Variants in SLC7A14 observed in about 807,000 individuals in gnomAD.
SLC7A14 encodes gamma-aminobutyric acid transporter SLC7A14.
A neutral mutation model predicts 60.2 loss-of-function variants in SLC7A14; 37 were observed. The ratio of observed to expected loss-of-function variants is 0.61; its 90% confidence interval spans 0.47 to 0.81. The LOEUF (loss-of-function observed/expected upper bound fraction) is 0.81, where lower values mean the gene tolerates loss of function less well. SLC7A14 is among the 30% of genes least tolerant of loss of function. The pLI is 0.00. For synonymous variants in SLC7A14, 399 were observed against 395.8 expected, an observed-to-expected ratio of 1.01 and a Z score of -0.10; for missense variants, 886 against 982.7, an observed-to-expected ratio of 0.90 and a Z score of 1.32.
In SLC7A14 at chr3:170,472,215, A is replaced by T. The variant is rs189380869; in HGVS notation, c.1994-4838T>A. ...GAAACCCCGTCTACTAAAAAAAAAA[A>T]AATAATTAGCTGGGCACGGTGGCGG... On this transcript the variant is annotated intron_variant, in intron 7 of 7. Transcript: ENST00000231706. 3.8e-3 allele frequency among the ~76,000 whole-genome samples: 582 copies of T among 151,864 alleles called. 3 individuals are homozygous for T. The highest frequency in any genetic ancestry group is 0.013 in the African/African-American group (552 of 41,408).
intron 7 of SLC7A14, among the ~76,000 whole-genome samples, chr3:170,467,672 G>A (rs748558182): frequency 1.2e-4 from 18 of 152,152 alleles, no homozygotes; most frequent in Non-Finnish European, 2.4e-4. Context: ...CTGGTGTTGA[G>A]AACTGGCTGC....
intron 4 of SLC7A14, 103 bp from the exon 5 acceptor site, chr3:170,486,471 T>G: frequency 7.0e-7 from 1 of 1,428,240 alleles, no homozygotes; most frequent in Non-Finnish European, 9.7e-7. Flanking sequence ...CATGACTGAG[T>G]GGCTGAGGGA....
At chr3:170,554,994 C>G (rs1714448900) in intron 1 of SLC7A14, among the ~76,000 whole-genome samples, 1 of 151,906 alleles carries the variant, frequency 6.6e-6, no homozygotes, top group African/African-American at 2.4e-5. Flanking sequence ...TGGTGAAACC[C>G]CATCTCTACT....
chr3:170,520,538 C>T (rs1713312519), intron 2 of SLC7A14, among the ~76,000 whole-genome samples: 1 of 152,156 alleles, frequency 6.6e-6, no homozygotes, highest in Non-Finnish European at 1.5e-5. Context: ...GAGCCCAATA[C>T]ATTTTTACTG....
chr3:170,560,101 GA>G (rs1714604393), intron 1 of SLC7A14, among the ~76,000 whole-genome samples: 1 of 152,218 alleles, frequency 6.6e-6, no homozygotes, highest in Non-Finnish European at 1.5e-5. Context: ...GGGTTGGAGA[GA>G]AACAGCACAG....
intron 6 of SLC7A14, among the ~76,000 whole-genome samples, chr3:170,481,821 G>A (rs756815550): frequency 1.3e-5 from 2 of 152,282 alleles, no homozygotes; most frequent in Middle Eastern, 3.4e-3. Flanking sequence ...CAGGCTCTGC[G>A]TGAAAAAGTG....
intron 2 of SLC7A14, among the ~76,000 whole-genome samples, chr3:170,517,118 C>T (rs1257400039): frequency 6.6e-6 from 1 of 152,182 alleles, no homozygotes; most frequent in Non-Finnish European, 1.5e-5. Flanking sequence ...AATGTATGCA[C>T]AGTGCCTGCT....
chr3:170,497,063 A>G (rs1404302190), intron 4 of SLC7A14, among the ~76,000 whole-genome samples: 1 of 150,054 alleles, frequency 6.7e-6, no homozygotes, highest in Non-Finnish European at 1.5e-5. Context: ...CAGCTACAAA[A>G]CAATTTAATT....
Position 170,585,167 on chromosome 3 carries a change from G to A in SLC7A14, c.-153+744C>T, listed in dbSNP as rs1470823883. Among the ~76,000 whole-genome samples the A allele has an allele frequency of 6.6e-6, 1 of 152,190 alleles. No individual in the cohort carries two copies. Among genetic ancestry groups the A allele is most frequent in the Non-Finnish European group, 1.5e-5 (1 of 68,012 alleles). The stretch of plus-strand genomic sequence containing the variant: ...GGGGAGCTGATGTGCTTTGGAATGG[G>A]AGAAGAGAGGAGACTGAGGGTTGAA... On this transcript the variant is annotated intron_variant, in intron 1 of 7. Transcript: ENST00000231706. The surrounding 1 kb of genome is among the most constrained non-coding windows in gnomAD (Gnocchi z 5.1).
intron 7 of SLC7A14, among the ~76,000 whole-genome samples, chr3:170,477,834 T>C (rs1160298128): frequency 6.6e-6 from 1 of 152,250 alleles, no homozygotes; most frequent in South Asian, 2.1e-4. Flanking sequence ...GGCACCACAC[T>C]GTGGGTAGCA....
intron 2 of SLC7A14, among the ~76,000 whole-genome samples, chr3:170,516,127 C>T (rs1713150867): frequency 1.3e-5 from 2 of 152,284 alleles, no homozygotes; most frequent in Admixed American, 6.5e-5. Context: ...ATTTAAGAAA[C>T]TTGCAAATTT....
intron 7 of SLC7A14, among the ~76,000 whole-genome samples, chr3:170,468,673 A>G (rs1739793681): frequency 1.3e-5 from 2 of 152,244 alleles, no homozygotes; most frequent in South Asian, 2.1e-4. Flanking sequence ...CTTGGAGTCC[A>G]TAGAACATGA....
chr3:170,467,960 A>C (rs1263581339), intron 7 of SLC7A14, among the ~76,000 whole-genome samples: 1 of 152,168 alleles, frequency 6.6e-6, no homozygotes, highest in African/African-American at 2.4e-5. Flanking sequence ...TAAAGGCGTG[A>C]TATATCATGG....
chr3:170,556,202 C>T lies in SLC7A14; in HGVS notation c.-152-29114G>A, dbSNP rs371492683. Among the ~76,000 whole-genome samples, 15 of 152,260 alleles carry T rather than the reference C, an allele frequency of 9.9e-5. No individual in the cohort carries two copies. The South Asian group carries it at 2.9e-3, about 29-fold the overall frequency. Reference sequence around the variant, plus strand: ...TGCTATGGTTTTTGTACTTTCAGACCTTAGCTAACATGTATCTAAGATATG... The same window carrying T: ...TGCTATGGTTTTTGTACTTTCAGACTTTAGCTAACATGTATCTAAGATATG... On this transcript the variant is annotated intron_variant, in intron 1 of 7. Coordinates refer to ENST00000231706, the MANE Select transcript of SLC7A14 (RefSeq NM_020949.3).
intron 1 of SLC7A14, among the ~76,000 whole-genome samples, chr3:170,572,777 G>A (rs565419121): frequency 6.6e-6 from 1 of 152,274 alleles, no homozygotes; most frequent in Admixed American, 6.5e-5. Context: ...TACTCATTCA[G>A]ATATTTTCTT....
At chr3:170,534,044 G>A (rs1311329197) in intron 1 of SLC7A14, among the ~76,000 whole-genome samples, 1 of 152,144 alleles carries the variant, frequency 6.6e-6, no homozygotes, top group Non-Finnish European at 1.5e-5. Context: ...CCTTTTCAAA[G>A]CTTGTTGGTT....
Position 170,486,268 on chromosome 3 carries a change from T to A in SLC7A14, c.860A>T (p.Tyr287Phe). 4 of 1,614,104 alleles carry A rather than the reference T, an allele frequency of 2.5e-6. No individual in the cohort carries two copies. Among genetic ancestry groups the A allele is most frequent in the Non-Finnish European group, 3.4e-6 (4 of 1,180,024 alleles). ...GATGACCAGGGAGGCAGTGATAGCA[T>A]AAGGGATGGACGTGTTGGGATTCTT... The part of the protein sequence containing the change: ...EAKNPNTSIP[Y>F]AITASLVICL... The change falls in exon 5 of 8, where the codon TAT becomes TTT. Residue 287 changes from tyrosine to phenylalanine, a missense_variant. Transcript: ENST00000231706.
chr3:170,470,305 A>AACATGTGT (rs1395643932), intron 7 of SLC7A14, among the ~76,000 whole-genome samples: 5 of 46,890 alleles, frequency 1.1e-4, no homozygotes, highest in Non-Finnish European at 2.0e-4. Flanking sequence ...GCCTGGAAGG[A>AACATGTGT]ACATGTGTGT....
intron 1 of SLC7A14, among the ~76,000 whole-genome samples, chr3:170,553,618 G>A (rs898983550): frequency 1.3e-5 from 2 of 152,226 alleles, no homozygotes; most frequent in Non-Finnish European, 1.5e-5. Flanking sequence ...CAAGGATGAT[G>A]GAAATGTCCG....
Sources: allele counts gnomAD v4.1 joint callset (sites outside exome capture counted in the v4.1 genomes callset), GRCh38; gene constraint gnomAD v4.1.1; non-coding constraint Gnocchi (gnomAD v3.1); transcripts MANE v1.5; gene names NCBI Gene and HGNC (gene_info 2026-07-23, HGNC 2026-07-21).